The following CXCL13 variants were observed in gnomAD, a reference collection of about 807,000 sequenced individuals.
CXCL13 encodes C-X-C motif chemokine ligand 13.
A neutral mutation model predicts 12.2 loss-of-function variants in CXCL13; 7 were observed. The ratio of observed to expected loss-of-function variants is 0.57; its 90% CI spans 0.33 to 1.07. The LOEUF (loss-of-function observed/expected upper bound fraction) is 1.07, where lower values mean the gene tolerates loss of function less well. Among genes scored for constraint, CXCL13 ranks in the 50% least tolerant of loss-of-function variants. The pLI, the probability that CXCL13 is intolerant of heterozygous loss-of-function variation, is 0.04. For missense variants in CXCL13, 113 were observed against 127.4 expected (o/e 0.89, Z 0.55); for synonymous variants, 47 against 42.4 (o/e 1.11, Z -0.42).
chr4:77,573,365 TGTG>T (rs1560530177), intron 1 of CXCL13, among the ~76,000 whole-genome samples: 14 of 17,118 alleles, frequency 8.2e-4, no homozygotes, highest in South Asian at 2.5e-3. Flanking sequence ...GGGTCTTTTG[TGTG>T]TGTGTGTGTG....
intron 1 of CXCL13, among the ~76,000 whole-genome samples, chr4:77,552,478 G>A (rs2109807695): frequency 6.6e-6 from 1 of 152,350 alleles, no homozygotes; most frequent in Non-Finnish European, 1.5e-5. Flanking sequence ...CTGGGTATAT[G>A]TGTGATCCTT....
intron 1 of CXCL13, among the ~76,000 whole-genome samples, chr4:77,582,083 T>C (rs1483077862): frequency 5.9e-5 from 9 of 152,132 alleles, no homozygotes; most frequent in African/African-American, 2.2e-4. Context: ...AAAAACATCA[T>C]TCTATTCTCC....
chr4:77,529,334 A>T (rs1413291833), intron 1 of CXCL13, among the ~76,000 whole-genome samples: 2 of 152,162 alleles, frequency 1.3e-5, no homozygotes, highest in Admixed American at 6.5e-5. Flanking sequence ...TGGTAGCTTG[A>T]TGGGGATGGC....
chr4:77,516,308 T>A (rs1384625690), intron 1 of CXCL13, among the ~76,000 whole-genome samples: 1 of 152,248 alleles, frequency 6.6e-6, no homozygotes, highest in African/African-American at 2.4e-5. Context: ...GGTGTCAGGA[T>A]GATGCTGGCC....
rs530057930 is a variant in CXCL13, at chr4:77,524,660, G to A, written c.-43+12872G>A. Among the ~76,000 whole-genome samples the A allele has an allele frequency of 5.1e-3, 738 of 144,714 alleles. 3 individuals are homozygous for A. The highest frequency in any genetic ancestry group is 0.014 in the Middle Eastern group (4 of 282). The allele number at this position is 144,714 out of a possible 152,430, so 94.9% of individuals were successfully genotyped here. ...CTTGGCTAGGAAAGGGAAATCCCCT[G>A]TCCCCTTGCACTTCCCGGGTGAGGC... is the stretch of plus-strand genomic sequence containing the variant. On this transcript the variant is annotated intron_variant, in intron 1 of 4. Transcript: ENST00000286758.
At chr4:77,533,278 T>C (rs1024655817) in intron 1 of CXCL13, among the ~76,000 whole-genome samples, 1 of 152,212 alleles carries the variant, frequency 6.6e-6, no homozygotes, top group Non-Finnish European at 1.5e-5. Context: ...TGCAGGTCTG[T>C]TGGAGTTTGC....
intron 1 of CXCL13, among the ~76,000 whole-genome samples, chr4:77,533,138 C>T (rs1214434653): frequency 6.6e-6 from 1 of 152,206 alleles, no homozygotes; most frequent in Non-Finnish European, 1.5e-5. Context: ...AGTTTTTCTG[C>T]TCTGTTTTTT....
intron 1 of CXCL13, among the ~76,000 whole-genome samples, chr4:77,568,352 G>A (rs902211911): frequency 4.6e-5 from 7 of 152,174 alleles, no homozygotes; most frequent in Non-Finnish European, 8.8e-5. Flanking sequence ...CCCCATAGCA[G>A]CACACCTGGC....
intron 2 of CXCL13, among the ~76,000 whole-genome samples, chr4:77,609,303 T>A (rs1053346097): frequency 2.0e-5 from 3 of 151,102 alleles, no homozygotes; most frequent in Admixed American, 2.0e-4. Context: ...GTTTTGGGTT[T>A]TTTTTTTGTT....
At chr4:77,584,030 G>C (rs752430038) in intron 1 of CXCL13, among the ~76,000 whole-genome samples, 26 of 152,288 alleles carry the variant, frequency 1.7e-4, no homozygotes, top group Middle Eastern at 6.8e-3. Context: ...ATGGGCTAAG[G>C]ATGCCACTGA....
At chr4:77,520,526 T>C (rs894135580) in intron 1 of CXCL13, among the ~76,000 whole-genome samples, 4 of 152,216 alleles carry the variant, frequency 2.6e-5, no homozygotes, top group Non-Finnish European at 2.9e-5. Flanking sequence ...TGTCTGCTAT[T>C]GGTGTATAGA....
chr4:77,607,016 A>G (rs1035085707), intron 1 of CXCL13, among the ~76,000 whole-genome samples: 2 of 152,320 alleles, frequency 1.3e-5, no homozygotes, highest in Non-Finnish European at 1.5e-5. Context: ...TTTGCAACCC[A>G]GACAGAGGAC....
upstream of CXCL13, among the ~76,000 whole-genome samples, chr4:77,603,637 G>C (rs1033178243): frequency 6.6e-6 from 1 of 152,212 alleles, no homozygotes; most frequent in Non-Finnish European, 1.5e-5. Context: ...ATTTACTTTT[G>C]AAGTGGGTTT....
chr4:77,535,114 AC>A (rs1004010947), intron 1 of CXCL13, among the ~76,000 whole-genome samples: 13 of 152,232 alleles, frequency 8.5e-5, no homozygotes, highest in African/African-American at 2.9e-4. Flanking sequence ...CAAAGAAGGA[AC>A]TTCTTCCAGA....
At chr4:77,525,313 T>A (rs1310443218) in intron 1 of CXCL13, among the ~76,000 whole-genome samples, 1 of 152,250 alleles carries the variant, frequency 6.6e-6, no homozygotes, top group African/African-American at 2.4e-5. Flanking sequence ...TCTATAATAA[T>A]TCTTTATGTT....
At chr4:77,565,700 C>A (rs750276270) in intron 1 of CXCL13, among the ~76,000 whole-genome samples, 1 of 152,242 alleles carries the variant, frequency 6.6e-6, no homozygotes, top group East Asian at 1.9e-4. Flanking sequence ...AAAGGACTCA[C>A]CGTCTAGTAG....
At chr4:77,543,674 A>T (rs1725261375) in intron 1 of CXCL13, among the ~76,000 whole-genome samples, 1 of 152,156 alleles carries the variant, frequency 6.6e-6, no homozygotes, top group South Asian at 2.1e-4. Flanking sequence ...TGAAAAGATC[A>T]TCTTGGTATT....
intron 1 of CXCL13, among the ~76,000 whole-genome samples, chr4:77,542,310 GT>G (rs770621590): frequency 2.7e-4 from 41 of 152,256 alleles, no homozygotes; most frequent in East Asian, 2.3e-3. Context: ...AATGCTTCCA[GT>G]TTTTGCTTTT....
chr4:77,584,016 G>A lies in CXCL13; in HGVS notation c.-42-21808G>A, dbSNP rs117611528. On this transcript the variant is annotated intron_variant, in intron 1 of 4. Coordinates refer to the CXCL13 transcript ENST00000286758. ...GCAGACAGGCAAGGTAAGACCCAGT[G>A]GAAATGGGCTAAGGATGCCACTGAG... Among the ~76,000 whole-genome samples the A allele has an allele frequency of 2.6e-4, 39 of 152,292 alleles. 1 individual carries two copies. In the East Asian group the frequency reaches 7.3e-3, roughly 29 times the overall value.
Sources: allele counts gnomAD v4.1 joint callset (sites outside exome capture counted in the v4.1 genomes callset), GRCh38; gene constraint gnomAD v4.1.1; transcripts MANE v1.5; gene names NCBI Gene and HGNC (gene_info 2026-07-23, HGNC 2026-07-21).